Variants in ST7 observed in about 807,000 individuals in gnomAD.
ST7 encodes suppression of tumorigenicity 7.
In ST7, 28 loss-of-function variants were observed where a neutral mutation model predicts 78.7. The ratio of observed to expected loss-of-function variants is 0.36; its 90% CI spans 0.26 to 0.49. The LOEUF (loss-of-function observed/expected upper bound fraction) is 0.49. ST7 is among the 20% of genes least tolerant of loss of function. ST7 has a pLI of 0.99. For synonymous variants in ST7, 247 were observed against 249.6 expected (o/e 0.99, Z 0.10); for missense variants, 418 against 696.0 (o/e 0.60, Z 4.49).
Position 117,226,262 on chromosome 7 carries a change from A to T in ST7, c.1639-3500A>T, listed in dbSNP as rs537071024. On this transcript the variant is annotated intron_variant, in intron 15 of 15. Coordinates refer to ENST00000323984, the MANE Select transcript of ST7 (RefSeq NM_001369598.1). ...GTGATGGTGTTTCAGGAAAAGGAAG[A>T]TCAGGCAATTGAAATGTCGTTCTCT... Among the ~76,000 whole-genome samples, 77 of 152,334 alleles carry T rather than the reference A, an allele frequency of 5.1e-4. 4 individuals are homozygous for T. In the South Asian group the frequency reaches 0.015, roughly 30 times the overall value.
chr7:117,096,002 A>G (rs1367073718), intron 1 of ST7, among the ~76,000 whole-genome samples: 1 of 132,076 alleles, frequency 7.6e-6, no homozygotes, highest in Non-Finnish European at 1.6e-5. Context: ...CGGGAGGTAG[A>G]GGTTGCAGTG....
chr7:117,203,935 C>T (rs562150001), intron 12 of ST7, among the ~76,000 whole-genome samples: 6 of 152,244 alleles, frequency 3.9e-5, no homozygotes, highest in South Asian at 2.1e-4. Flanking sequence ...TGTGGGCCTT[C>T]GCATATTTTT....
chr7:117,148,823 T>TGG (rs993485314), intron 9 of ST7, among the ~76,000 whole-genome samples: 2 of 152,092 alleles, frequency 1.3e-5, no homozygotes, highest in African/African-American at 4.8e-5. Context: ...GTGAGATGTG[T>TGG]GGGGAGCACT....
chr7:117,122,019 A>C (rs1803417258), intron 3 of ST7, among the ~76,000 whole-genome samples: 1 of 152,146 alleles, frequency 6.6e-6, no homozygotes, highest in African/African-American at 2.4e-5. Flanking sequence ...AAGTGTTGCT[A>C]AAGGTAAAAA....
rs969330792 is a variant in ST7, at chr7:117,099,790, G to A, written c.180G>A (p.Pro60=). 3.1e-6 allele frequency: 5 copies of A among 1,613,330 alleles called. No homozygotes were observed. The highest frequency in any genetic ancestry group is 1.3e-5 in the African/African-American group (1 of 74,946). ...TVSMFLNTLT[P]KFYVALTGTS... ...GCATGTTTTTGAACACATTAACACCGAAGTTCTACGTGGCCCTAACAGGCA... is the reference window on the plus strand; with the variant it reads ...GCATGTTTTTGAACACATTAACACCAAAGTTCTACGTGGCCCTAACAGGCA... The change falls in exon 2 of 16, where the codon CCG becomes CCA. Residue 60 remains proline, a synonymous_variant. Transcript: ENST00000323984.
intron 1 of ST7, among the ~76,000 whole-genome samples, chr7:116,970,677 G>A (rs1184731430): frequency 2.0e-5 from 3 of 152,184 alleles, no homozygotes; most frequent in Admixed American, 6.5e-5. Context: ...TATGAATTTT[G>A]GAGTGACACA....
At chr7:117,189,865 A>G (rs890967861) in intron 11 of ST7, among the ~76,000 whole-genome samples, 5 of 152,284 alleles carry the variant, frequency 3.3e-5, no homozygotes, top group Non-Finnish European at 7.4e-5. Context: ...TGCCATCTCA[A>G]TGGTACGTTT....
intron 1 of ST7, among the ~76,000 whole-genome samples, chr7:117,003,531 C>T (rs1795032340): frequency 6.6e-6 from 1 of 152,084 alleles, no homozygotes; most frequent in Admixed American, 6.5e-5. Flanking sequence ...CTCCTGACCT[C>T]AGGTGATCCA....
intron 1 of ST7, among the ~76,000 whole-genome samples, chr7:116,957,797 A>G (rs1485849028): frequency 6.6e-6 from 1 of 152,222 alleles, no homozygotes; most frequent in African/African-American, 2.4e-5. Flanking sequence ...CCTATGTTAT[A>G]AAGTTTTTTG....
At chr7:117,214,226 C>T (rs540149525) in intron 13 of ST7, among the ~76,000 whole-genome samples, 256 of 152,124 alleles carry the variant, frequency 1.7e-3, no homozygotes, top group Non-Finnish European at 2.8e-3. Context: ...AATCACTTAG[C>T]CTTTCTTTGT....
intron 9 of ST7, 124 bp downstream of exon 9, chr7:117,138,656 G>T (rs1205052707): frequency 1.0e-5 from 6 of 598,348 alleles, no homozygotes; most frequent in African/African-American, 3.8e-5. Context: ...ACTGTGTGGG[G>T]TTCAACTCTA....
chr7:116,969,001 T>C (rs1262650976), intron 1 of ST7, among the ~76,000 whole-genome samples: 2 of 152,254 alleles, frequency 1.3e-5, no homozygotes, highest in Non-Finnish European at 2.9e-5. Flanking sequence ...GGAAATAATA[T>C]GAGAAATAAT....
rs752908744 is a variant in ST7 at position 117,210,929 on chromosome 7, C to T, written c.1405+992C>T. Among the ~76,000 whole-genome samples, 5 of 152,198 alleles carry T rather than the reference C, an allele frequency of 3.3e-5. 1 individual carries two copies. The highest frequency in any genetic ancestry group is 2.9e-5 in the Non-Finnish European group (2 of 68,034). On this transcript the variant is annotated intron_variant, in intron 13 of 15. Transcript: ENST00000323984. Reference sequence around the variant, plus strand: ...GAGTCTTCTGACAGTTGTTTCCTAGCTCACCCTTACTCTGATCAACCTCAC... The same window carrying T: ...GAGTCTTCTGACAGTTGTTTCCTAGTTCACCCTTACTCTGATCAACCTCAC...
chr7:117,204,023 G>A (rs1584594906), intron 12 of ST7, among the ~76,000 whole-genome samples: 1 of 152,164 alleles, frequency 6.6e-6, no homozygotes, highest in East Asian at 1.9e-4. Context: ...ACCCCTGAGT[G>A]GTACTGAAAT....
Position 116,979,984 on chromosome 7 carries a change from A to G in ST7, c.151+26293A>G, listed in dbSNP as rs1425835324. Reference sequence around the variant, plus strand: ...TTTTTTTTTTTTTTTTTGGAGACAGAGTCTCACTCTGTCGCATGGGCTGGA... The same window carrying G: ...TTTTTTTTTTTTTTTTTGGAGACAGGGTCTCACTCTGTCGCATGGGCTGGA... On this transcript the variant is annotated intron_variant, in intron 1 of 15. Transcript: ENST00000323984. Among the ~76,000 whole-genome samples the G allele has an allele frequency of 8.5e-4, 6 of 7,040 alleles. No individual in the cohort carries two copies. The South Asian group carries it at 0.042, about 49-fold the overall frequency. 4.6% of individuals were successfully genotyped at this position (7,040 alleles called of 152,430 possible).
chr7:116,966,901 T>G (rs1222095680), intron 1 of ST7, among the ~76,000 whole-genome samples: 2 of 152,188 alleles, frequency 1.3e-5, no homozygotes. Flanking sequence ...AGCACAATGT[T>G]GTATGCCTGT....
chr7:117,134,923 G>A (rs1375899443), intron 7 of ST7, among the ~76,000 whole-genome samples: 2 of 152,018 alleles, frequency 1.3e-5, no homozygotes, highest in Non-Finnish European at 2.9e-5. Context: ...CCTTCCTAAG[G>A]CTAAGATTAA....
At chr7:116,977,830 G>A (rs886543650) in intron 1 of ST7, among the ~76,000 whole-genome samples, 2 of 152,238 alleles carry the variant, frequency 1.3e-5, no homozygotes, top group Non-Finnish European at 2.9e-5. Flanking sequence ...TGGGATTACA[G>A]GCGTGAGCCA....
chr7:117,134,694 ATTTC>A (rs1370604230), intron 7 of ST7, among the ~76,000 whole-genome samples: 3 of 152,014 alleles, frequency 2.0e-5, no homozygotes, highest in Non-Finnish European at 2.9e-5. Flanking sequence ...AGCCTTAAGC[ATTTC>A]TTCTGATGCC....
Sources: allele counts gnomAD v4.1 joint callset (sites outside exome capture counted in the v4.1 genomes callset), GRCh38; gene constraint gnomAD v4.1.1; transcripts MANE v1.5; gene names NCBI Gene and HGNC (gene_info 2026-07-23, HGNC 2026-07-21).